Variants in GRB14 observed in about 807,000 individuals in gnomAD.
The protein encoded by GRB14 is growth factor receptor-bound protein 14.
Under a neutral mutation model 69.1 loss-of-function variants are expected in GRB14, and 38 were observed. The ratio of observed to expected loss-of-function variants is 0.55; its 90% CI spans 0.42 to 0.72. GRB14 has a LOEUF of 0.72. Ranked by LOEUF, GRB14 falls within the 30% of genes least tolerant of loss-of-function variation. GRB14 has a pLI of 0.00. For missense variants in GRB14, 666 were observed against 666.1 expected (o/e 1.00, Z 0.00); for synonymous variants, 247 against 241.3 (o/e 1.02, Z -0.22).
chr2:164,596,472 G>A (rs1311007915), intron 2 of GRB14, among the ~76,000 whole-genome samples: 1 of 152,186 alleles, frequency 6.6e-6, no homozygotes, highest in Non-Finnish European at 1.5e-5. Context: ...ATAAAGGACA[G>A]AGAGAGAAAG....
At chr2:164,576,071 C>A (rs967836784) in intron 2 of GRB14, among the ~76,000 whole-genome samples, 4 of 150,436 alleles carry the variant, frequency 2.7e-5, no homozygotes, top group Non-Finnish European at 5.9e-5. Context: ...GCAAATAGGA[C>A]AAATAAAAAT....
intron 2 of GRB14, among the ~76,000 whole-genome samples, chr2:164,556,905 C>T (rs1688691773): frequency 6.6e-6 from 1 of 151,800 alleles, no homozygotes; most frequent in African/African-American, 2.4e-5. Context: ...AAGAAACCAT[C>T]ATGTACACCC....
intron 6 of GRB14, among the ~76,000 whole-genome samples, chr2:164,520,090 A>AT (rs1267421667): frequency 6.6e-6 from 1 of 152,186 alleles, no homozygotes; most frequent in Non-Finnish European, 1.5e-5. Flanking sequence ...ACCTGGAGGC[A>AT]TCACATTACC....
chr2:164,620,227 C>A (rs1269531471), intron 1 of GRB14, among the ~76,000 whole-genome samples: 2 of 152,078 alleles, frequency 1.3e-5, no homozygotes, highest in African/African-American at 4.8e-5. Flanking sequence ...GTTATGCATC[C>A]ATGATATTGA....
intron 2 of GRB14, among the ~76,000 whole-genome samples, chr2:164,595,474 G>T (rs961447853): frequency 6.6e-6 from 1 of 152,170 alleles, no homozygotes; most frequent in African/African-American, 2.4e-5. Flanking sequence ...CTAGGAAAAG[G>T]GGTAATTCAC....
chr2:164,534,287 C>T lies in GRB14; in HGVS notation c.482-7152G>A, dbSNP rs1461474823. Among the ~76,000 whole-genome samples the T allele has an allele frequency of 4.6e-5, 7 of 152,002 alleles. No individual in the cohort carries two copies. In the South Asian group the frequency reaches 1.0e-3, roughly 23 times the overall value. ...CTTTTTAAATTTATATATCACCATC[C>T]CAATTTGCATGAATTGTACCTTCCC... On this transcript the variant is annotated intron_variant, in intron 3 of 13. Transcript: ENST00000263915.
At chr2:164,585,206 C>T (rs1175568370) in intron 2 of GRB14, among the ~76,000 whole-genome samples, 1 of 142,756 alleles carries the variant, frequency 7.0e-6, no homozygotes, top group Non-Finnish European at 1.5e-5. Flanking sequence ...CCTTGGACTC[C>T]CAAAGTGCTG....
chr2:164,508,330 G>T (rs1687244134), intron 8 of GRB14, 125 bp downstream of exon 8: 2 of 666,336 alleles, frequency 3.0e-6, no homozygotes, highest in Non-Finnish European at 5.2e-6. Flanking sequence ...TACACATTTG[G>T]TGGTTATTTT....
intron 2 of GRB14, 90 bp downstream of exon 2, chr2:164,619,597 T>C: frequency 1.2e-6 from 1 of 838,066 alleles, no homozygotes; most frequent in South Asian, 1.8e-5. Flanking sequence ...GCTAATCCTT[T>C]GTTAATACTG....
chr2:164,584,049 G>C (rs1046043961), intron 2 of GRB14, among the ~76,000 whole-genome samples: 2 of 149,062 alleles, frequency 1.3e-5, no homozygotes, highest in African/African-American at 2.5e-5. Flanking sequence ...GCAGTGGCTC[G>C]ATCTCAGCTC....
intron 2 of GRB14, among the ~76,000 whole-genome samples, chr2:164,584,295 G>A (rs919104359): frequency 6.6e-6 from 1 of 150,690 alleles, no homozygotes; most frequent in Non-Finnish European, 1.5e-5. Context: ...GTGAACCACC[G>A]CACCAGGCCA....
At chr2:164,611,489 T>C (rs1404708095) in intron 2 of GRB14, among the ~76,000 whole-genome samples, 1 of 151,814 alleles carries the variant, frequency 6.6e-6, no homozygotes, top group Non-Finnish European at 1.5e-5. Context: ...GATTTGAGGG[T>C]GGAGAAAGAT....
intron 3 of GRB14, among the ~76,000 whole-genome samples, chr2:164,544,135 T>C (rs969723404): frequency 2.3e-4 from 35 of 152,234 alleles, no homozygotes; most frequent in South Asian, 1.0e-3. Flanking sequence ...ATATCTTTGA[T>C]TTTATTTCAG....
intron 6 of GRB14, among the ~76,000 whole-genome samples, chr2:164,514,259 G>A (rs1385337291): frequency 2.0e-5 from 3 of 152,146 alleles, no homozygotes; most frequent in African/African-American, 7.2e-5. Flanking sequence ...TTCACATTGT[G>A]AACTTTTGCT....
rs2105286353 is a variant in GRB14, at chr2:164,525,083, C to CA, written c.604-6dup. On this transcript the variant is annotated splice_region_variant and splice_polypyrimidine_tract_variant and intron_variant, in intron 4 of 13. Transcript: ENST00000263915. ...CATATGCTCTGGAAAAAAATACTGT[C>CA]AAAAAGACACAGTTAAATTATCACA... 6.5e-7 allele frequency: 1 copy of CA among 1,530,676 alleles called. No individual in the cohort carries two copies. The highest frequency in any genetic ancestry group is 2.3e-5 in the East Asian group (1 of 43,506). 94.8% of individuals were successfully genotyped at this position (1,530,676 alleles called of 1,614,324 possible).
chr2:164,580,962 C>T (rs539461899), intron 2 of GRB14, among the ~76,000 whole-genome samples: 2 of 152,150 alleles, frequency 1.3e-5, no homozygotes, highest in African/African-American at 4.8e-5. Context: ...GTTCTATTAG[C>T]GAAGTGAAAA....
intron 2 of GRB14, among the ~76,000 whole-genome samples, chr2:164,600,914 C>T (rs1456137199): frequency 6.6e-6 from 1 of 151,950 alleles, no homozygotes; most frequent in East Asian, 1.9e-4. Flanking sequence ...AGTGACCACA[C>T]AACAGCAGGA....
At chr2:164,535,431 C>T (rs1190446187) in intron 3 of GRB14, among the ~76,000 whole-genome samples, 1 of 152,180 alleles carries the variant, frequency 6.6e-6, no homozygotes, top group Non-Finnish European at 1.5e-5. Flanking sequence ...GATTTCTTTG[C>T]TGAATCTACT....
chr2:164,602,189 AG>A (rs1337440868), intron 2 of GRB14, among the ~76,000 whole-genome samples: 1 of 148,654 alleles, frequency 6.7e-6, no homozygotes, highest in Non-Finnish European at 1.5e-5. Flanking sequence ...AGGGAAGGGA[AG>A]GGAAGGGAGG....
Sources: allele counts gnomAD v4.1 joint callset (sites outside exome capture counted in the v4.1 genomes callset), GRCh38; gene constraint gnomAD v4.1.1; transcripts MANE v1.5; gene names NCBI Gene and HGNC (gene_info 2026-07-23, HGNC 2026-07-21).